SPECC1: variants seen among roughly 807,000 people sequenced by gnomAD.
SPECC1 encodes sperm antigen with calponin homology and coiled-coil domains 1.
SPECC1 carries 62 observed loss-of-function variants against 104.1 expected under a neutral mutation model. The observed-to-expected ratio is 0.60, with a 90% CI of 0.49 to 0.74. SPECC1 has a LOEUF of 0.74. SPECC1 is among the 30% of genes least tolerant of loss of function. The pLI is 0.00. For synonymous variants in SPECC1, 513 were observed against 501.6 expected, an observed-to-expected ratio of 1.02 and a Z score of -0.30; for missense variants, 1,306 against 1,310.5, an observed-to-expected ratio of 1.00 and a Z score of 0.05.
intron 3 of SPECC1, among the ~76,000 whole-genome samples, chr17:20,195,648 C>G (rs2035983341): frequency 1.3e-5 from 2 of 151,914 alleles, no homozygotes; most frequent in South Asian, 4.1e-4. Flanking sequence ...ACCTCTGCCT[C>G]CCGGGTTCAA....
At chr17:20,075,884 C>T (rs1353216139) in intron 1 of SPECC1, among the ~76,000 whole-genome samples, 4 of 152,110 alleles carry the variant, frequency 2.6e-5, no homozygotes, top group African/African-American at 7.2e-5. Flanking sequence ...GAGGTTGAGG[C>T]TACAGTGAGC....
intron 13 of SPECC1, among the ~76,000 whole-genome samples, chr17:20,304,900 T>G (rs2041712992): frequency 6.6e-6 from 1 of 151,500 alleles, no homozygotes; most frequent in South Asian, 2.1e-4. Flanking sequence ...AAAGCAACAG[T>G]CAGAATGGGC....
chr17:20,038,858 A>C (rs2045206485), intron 1 of SPECC1, among the ~76,000 whole-genome samples: 1 of 152,212 alleles, frequency 6.6e-6, no homozygotes, highest in Admixed American at 6.5e-5. Flanking sequence ...GTTATCCTCC[A>C]GTTACCTCTT....
chr17:20,100,238 G>A (rs1199095399), intron 2 of SPECC1, among the ~76,000 whole-genome samples: 1 of 152,142 alleles, frequency 6.6e-6, no homozygotes, highest in Non-Finnish European at 1.5e-5. Context: ...GGAAGGAGCA[G>A]CAGAAAGAAA....
Position 20,316,556 on chromosome 17 carries a change from A to G in SPECC1, c.*2491A>G, listed in dbSNP as rs1021096673. On this transcript the variant is annotated 3_prime_UTR_variant, in exon 15 of 15. Transcript: ENST00000395527. ...TAATGTTTTTGTATTTTTAGTAAAG[A>G]GGGGGTTTCACCATGTTGGCCCGGC... 4 of 184,624 alleles carry G rather than the reference A, an allele frequency of 2.2e-5. No individual in the cohort carries two copies. The highest frequency in any genetic ancestry group is 6.2e-5 in the Admixed American group (1 of 16,028). 11.4% of individuals were successfully genotyped at this position (184,624 alleles called of 1,614,324 possible). A position where few individuals can be genotyped will look rare whatever the true frequency, so the allele number is the denominator to read the frequency against.
At chr17:20,060,760 T>C (rs2046156525) in intron 1 of SPECC1, among the ~76,000 whole-genome samples, 1 of 152,170 alleles carries the variant, frequency 6.6e-6, no homozygotes. Flanking sequence ...GTGACTTTTA[T>C]ACTTCATCAA....
At chr17:20,215,574 A>G (rs2703816) in intron 4 of SPECC1, among the ~76,000 whole-genome samples, 107,858 of 152,148 alleles carry the variant, frequency 0.71, 40,031 homozygotes, top group East Asian at 0.99. Flanking sequence ...CCATGTCTCT[A>G]TAGTACCATG....
chr17:20,069,032 A>G (rs1048107379), intron 1 of SPECC1, among the ~76,000 whole-genome samples: 2 of 152,194 alleles, frequency 1.3e-5, no homozygotes, highest in Non-Finnish European at 2.9e-5. Context: ...CTCATGTCAC[A>G]GGGGTTTGTT....
chr17:20,253,692 T>C, intron 10 of SPECC1, 106 bp downstream of exon 10: 1 of 1,070,222 alleles, frequency 9.3e-7, no homozygotes, highest in Non-Finnish European at 1.4e-6. Context: ...CAGTGGCATT[T>C]CTTGCAAGTG....
chr17:20,088,456 G>A (rs2047265110), intron 1 of SPECC1, among the ~76,000 whole-genome samples: 1 of 152,156 alleles, frequency 6.6e-6, no homozygotes, highest in Admixed American at 6.5e-5. Flanking sequence ...CCAAGGGGTG[G>A]GCAGTGGTCA....
At chr17:20,066,095 T>C (rs1260590398) in intron 1 of SPECC1, among the ~76,000 whole-genome samples, 1 of 152,214 alleles carries the variant, frequency 6.6e-6, no homozygotes, top group Non-Finnish European at 1.5e-5. Context: ...TAATAAAAAC[T>C]GGATCTGTTG....
chr17:20,214,167 T>A (rs374743931), intron 4 of SPECC1, among the ~76,000 whole-genome samples: 4 of 152,226 alleles, frequency 2.6e-5, no homozygotes, highest in Non-Finnish European at 4.4e-5. Flanking sequence ...CCTCCCACTT[T>A]AGCCTCCCAG....
chr17:20,179,035 T>C (rs575279914), intron 3 of SPECC1, among the ~76,000 whole-genome samples: 2 of 152,374 alleles, frequency 1.3e-5, no homozygotes, highest in African/African-American at 2.4e-5. Flanking sequence ...GGAACTAATA[T>C]AAATCTTCTG....
rs553477795 is a variant in SPECC1 at position 20,304,766 on chromosome 17, G to A, written c.3058-1257G>A. Among the ~76,000 whole-genome samples, 3 of 152,168 alleles carry A rather than the reference G, an allele frequency of 2.0e-5. No homozygotes were observed. The East Asian group carries it at 5.8e-4, about 30-fold the overall frequency. ...TTTCATAGAATGATGAGATGATTAA[G>A]AGCTCGAGGCTGTGATAAAGGAGAA... On this transcript the variant is annotated intron_variant, in intron 13 of 14. Coordinates refer to ENST00000395527, the MANE Select transcript of SPECC1 (RefSeq NM_001243439.2).
chr17:20,283,574 A>G (rs1388373567), intron 12 of SPECC1, among the ~76,000 whole-genome samples: 1 of 151,794 alleles, frequency 6.6e-6, no homozygotes, highest in African/African-American at 2.4e-5. Flanking sequence ...TTCTCTGCCA[A>G]TTTTTACTTG....
At chr17:20,206,049 C>A in intron 4 of SPECC1, 137 bp downstream of exon 4, 2 of 1,240,382 alleles carry the variant, frequency 1.6e-6, no homozygotes, top group Non-Finnish European at 2.2e-6. Flanking sequence ...AGCTTGAAGG[C>A]CTGTTAGATT....
chr17:20,174,569 C>A (rs1233442327), intron 3 of SPECC1, among the ~76,000 whole-genome samples: 1 of 151,544 alleles, frequency 6.6e-6, no homozygotes, highest in Non-Finnish European at 1.5e-5. Flanking sequence ...GGGCCTTCAC[C>A]GTGTCCCAAA....
chr17:20,034,365 G>A (rs1250333111), intron 1 of SPECC1, among the ~76,000 whole-genome samples: 1 of 151,992 alleles, frequency 6.6e-6, no homozygotes, highest in Non-Finnish European at 1.5e-5. Context: ...CCAAAGTGCT[G>A]GGATTACAGG....
chr17:20,112,247 T>A, intron 3 of SPECC1: 1 of 763,196 alleles, frequency 1.3e-6, no homozygotes, highest in Non-Finnish European at 2.4e-6. Context: ...ACCGAAGTCC[T>A]GAGTACTTTG....
Sources: gnomAD v4.1 joint callset for allele counts (sites outside exome capture counted in the v4.1 genomes callset) on GRCh38, gnomAD v4.1.1 for gene constraint, MANE v1.5 for transcripts, NCBI Gene and HGNC (gene_info 2026-07-23, HGNC 2026-07-21) for gene names.